The following TRABD2B variants were observed in gnomAD, a reference collection of about 807,000 sequenced individuals.
TRABD2B encodes the protein metalloprotease TIKI2.
In TRABD2B, 14 loss-of-function variants were observed where a neutral mutation model predicts 40.1. The ratio of observed to expected loss-of-function variants is 0.35; its 90% CI spans 0.23 to 0.55. The LOEUF (loss-of-function observed/expected upper bound fraction) is 0.55, where lower values mean the gene tolerates loss of function less well. TRABD2B is among the 20% of genes least tolerant of loss of function. TRABD2B has a pLI of 0.90. For missense variants in TRABD2B, 541 were observed against 648.6 expected, an observed-to-expected ratio of 0.83 and a Z score of 1.80; for synonymous variants, 263 against 277.0, an observed-to-expected ratio of 0.95 and a Z score of 0.50.
chr1:47,785,208 A>G (rs1286166515), intron 4 of TRABD2B, among the ~76,000 whole-genome samples: 2 of 152,108 alleles, frequency 1.3e-5, no homozygotes, highest in Non-Finnish European at 2.9e-5. Context: ...TGACATTCTG[A>G]TTGCTGCAGG....
At chr1:47,957,482 T>C (rs1371419744) in intron 2 of TRABD2B, among the ~76,000 whole-genome samples, 3 of 152,112 alleles carry the variant, frequency 2.0e-5, no homozygotes, top group African/African-American at 4.8e-5. Context: ...ATTAAACGAA[T>C]GGCTAACTAG....
chr1:47,860,398 C>T lies in TRABD2B; in HGVS notation c.667-58779G>A, dbSNP rs141237148. Among the ~76,000 whole-genome samples the T allele has an allele frequency of 7.2e-5, 11 of 152,222 alleles. No individual in the cohort carries two copies. In the East Asian group the frequency reaches 9.7e-4, roughly 13 times the overall value. On this transcript the variant is annotated intron_variant, in intron 2 of 6. Coordinates refer to ENST00000606738, the MANE Select transcript of TRABD2B (RefSeq NM_001194986.2). The stretch of plus-strand genomic sequence containing the variant: ...GGGTCTACCTGAACATCTCTGTCTC[C>T]TCCTTCTCTTTGTCTCTTAATGAGT...
At chr1:47,768,312 A>T (rs1353834447) in intron 6 of TRABD2B, among the ~76,000 whole-genome samples, 1 of 141,862 alleles carries the variant, frequency 7.0e-6, no homozygotes, top group East Asian at 2.3e-4. Context: ...TTCTGAGTAG[A>T]GTGTGTGTGT....
intron 2 of TRABD2B, among the ~76,000 whole-genome samples, chr1:47,963,609 T>C (rs1645554060): frequency 6.6e-6 from 1 of 152,218 alleles, no homozygotes; most frequent in African/African-American, 2.4e-5. Flanking sequence ...ACTGAGCTGA[T>C]AAACGGCCTT....
intron 2 of TRABD2B, among the ~76,000 whole-genome samples, chr1:47,993,186 G>C (rs1031149299): frequency 6.6e-6 from 1 of 152,186 alleles, no homozygotes; most frequent in Non-Finnish European, 1.5e-5. Flanking sequence ...CCCATCCTGG[G>C]ATTGACAGCC....
chr1:47,997,038 C>A lies in TRABD2B; in HGVS notation c.-249G>T. 1 of 1,059,980 alleles carries A rather than the reference C, an allele frequency of 9.4e-7. No homozygotes were observed. Among genetic ancestry groups the A allele is most frequent in the African/African-American group, 1.7e-5 (1 of 59,134 alleles). The allele number at this position is 1,059,980 out of a possible 1,614,324, so 65.7% of individuals were successfully genotyped here. ...TCCCCCGGGCGCTCAACCTCGCTGG[C>A]CGAGCCCCCGGGTGCTGAGGGCGTG... On this transcript the variant is annotated 5_prime_UTR_variant, in exon 1 of 7. Transcript: ENST00000606738.
chr1:47,877,316 C>T (rs1266829546), intron 2 of TRABD2B, among the ~76,000 whole-genome samples: 1 of 152,032 alleles, frequency 6.6e-6, no homozygotes, highest in South Asian at 2.1e-4. Context: ...TCCAGGGCAG[C>T]TGGAACAGAG....
chr1:47,791,632 G>A (rs1338858820), intron 4 of TRABD2B, among the ~76,000 whole-genome samples: 1 of 152,190 alleles, frequency 6.6e-6, no homozygotes, highest in Admixed American at 6.5e-5. Context: ...TAGGTGAGGA[G>A]TGGAGCGGGT....
intron 2 of TRABD2B, among the ~76,000 whole-genome samples, chr1:47,900,191 T>C (rs935841672): frequency 6.6e-6 from 1 of 151,996 alleles, no homozygotes; most frequent in African/African-American, 2.4e-5. Context: ...GAGGGTGCTG[T>C]TGGCAGATTG....
intron 4 of TRABD2B, among the ~76,000 whole-genome samples, chr1:47,781,059 G>T (rs1644514708): frequency 1.3e-5 from 2 of 152,320 alleles, no homozygotes; most frequent in South Asian, 4.1e-4. Context: ...TGAGTGATGG[G>T]CTGGAGACAG....
At chr1:47,962,453 T>C (rs535475412) in intron 2 of TRABD2B, among the ~76,000 whole-genome samples, 1 of 152,254 alleles carries the variant, frequency 6.6e-6, no homozygotes, top group South Asian at 2.1e-4. Context: ...TCCTCTTCCT[T>C]TCACCCCTTC....
chr1:47,849,740 G>A lies in TRABD2B; in HGVS notation c.667-48121C>T, dbSNP rs536932033. ...GCTGCTAAGTGAGGGGATGGGGTGC[G>A]GGAGGGAGGACAGGGCAAACCTGGC... On this transcript the variant is annotated intron_variant, in intron 2 of 6. Coordinates refer to ENST00000606738, the MANE Select transcript of TRABD2B (RefSeq NM_001194986.2). Among the ~76,000 whole-genome samples, 7 of 152,292 alleles carry A rather than the reference G, an allele frequency of 4.6e-5. No individual in the cohort carries two copies. In the East Asian group the frequency reaches 7.7e-4, roughly 17 times the overall value.
rs1416146235 is a variant in TRABD2B, at chr1:47,765,554, C to T, written c.*348G>A. 9.2e-6 allele frequency: 3 copies of T among 326,456 alleles called. No individual in the cohort carries two copies. The highest frequency in any genetic ancestry group is 2.8e-5 in the South Asian group (1 of 35,696). 20.2% of individuals were successfully genotyped at this position (326,456 alleles called of 1,614,324 possible). On this transcript the variant is annotated 3_prime_UTR_variant, in exon 7 of 7. Coordinates refer to ENST00000606738, the MANE Select transcript of TRABD2B (RefSeq NM_001194986.2). The stretch of plus-strand genomic sequence containing the variant: ...CAAGCCAGTCCAGAGCCACAGTCCA[C>T]AGGAGGTCACTGATGTCCCGGGTTC...
chr1:47,835,098 A>G (rs1645300989), intron 2 of TRABD2B, among the ~76,000 whole-genome samples: 1 of 152,200 alleles, frequency 6.6e-6, no homozygotes, highest in Non-Finnish European at 1.5e-5. Flanking sequence ...AAATTATTTT[A>G]AAGAAAGAAC....
intron 2 of TRABD2B, among the ~76,000 whole-genome samples, chr1:47,865,342 T>C (rs1275111325): frequency 6.6e-6 from 1 of 151,888 alleles, no homozygotes; most frequent in African/African-American, 2.4e-5. Context: ...TACTTCTATT[T>C]TACAAGCTGA....
chr1:47,843,667 G>A (rs1570105358), intron 2 of TRABD2B, among the ~76,000 whole-genome samples: 1 of 152,172 alleles, frequency 6.6e-6, no homozygotes, highest in African/African-American at 2.4e-5. Flanking sequence ...GGGGCATGAG[G>A]AGGAACCAGC....
chr1:47,814,218 C>T (rs964020139), intron 2 of TRABD2B, among the ~76,000 whole-genome samples: 19 of 152,170 alleles, frequency 1.2e-4, no homozygotes, highest in African/African-American at 4.6e-4. Context: ...GGCTGGAGTG[C>T]AGCCTGTGGC....
At chr1:47,769,814 C>A (rs1644355273) in intron 6 of TRABD2B, among the ~76,000 whole-genome samples, 1 of 152,198 alleles carries the variant, frequency 6.6e-6, no homozygotes, top group Non-Finnish European at 1.5e-5. Context: ...GTAGTGCGTT[C>A]CTGGCTTGCT....
chr1:47,846,897 A>ACACACACACACACACACAC, intron 2 of TRABD2B, among the ~76,000 whole-genome samples: 1 of 69,440 alleles, frequency 1.4e-5, no homozygotes, highest in African/African-American at 5.0e-5. Flanking sequence ...CACACACACA[A>ACACACACACACACACACAC]ATGAGGGCTG....
Sources: allele counts gnomAD v4.1 joint callset (sites outside exome capture counted in the v4.1 genomes callset), GRCh38; gene constraint gnomAD v4.1.1; transcripts MANE v1.5; gene names NCBI Gene and HGNC (gene_info 2026-07-23, HGNC 2026-07-21).